IL1R1: variants seen among roughly 807,000 people sequenced by gnomAD.
The protein encoded by IL1R1 is interleukin-1 receptor type 1.
Under a neutral mutation model 50.2 loss-of-function variants are expected in IL1R1, and 22 were observed. The observed-to-expected ratio is 0.44, with a 90% confidence interval of 0.31 to 0.63. The LOEUF (loss-of-function observed/expected upper bound fraction) is 0.63. Among genes scored for constraint, IL1R1 ranks in the 20% least tolerant of loss-of-function variants. The probability of loss-of-function intolerance (pLI) is 0.07; values close to 1 mark genes in which losing one functional copy is unlikely to be tolerated. For missense variants in IL1R1, 509 were observed against 676.2 expected, an observed-to-expected ratio of 0.75 and a Z score of 2.74; for synonymous variants, 251 against 236.7, an observed-to-expected ratio of 1.06 and a Z score of -0.55.
Position 102,166,238 on chromosome 2 carries a change from C to T in IL1R1, c.612C>T (p.Gly204=), listed in dbSNP as rs746784584. Residue 204 remains glycine (G), a synonymous_variant, in exon 6 of 12, where the codon GGC becomes GGT. Coordinates refer to ENST00000410023, the MANE Select transcript of IL1R1 (RefSeq NM_000877.4). Reference sequence around the variant, plus strand: ...GTCATGCATCCTACACATACTTGGGCAAGCAATATCCTATTACCCGGGTAA... The same window carrying T: ...GTCATGCATCCTACACATACTTGGGTAAGCAATATCCTATTACCCGGGTAA... The part of the protein sequence containing the change: ...YTCHASYTYL[G]KQYPITRVIE... 2 of 1,613,562 alleles carry T rather than the reference C, an allele frequency of 1.2e-6. No individual in the cohort carries two copies. The highest frequency in any genetic ancestry group is 1.7e-6 in the Non-Finnish European group (2 of 1,179,696).
chr2:102,164,973 G>A lies in IL1R1; in HGVS notation c.261G>A (p.Lys87=), dbSNP rs1001921691. The A allele has an allele frequency of 7.4e-6, 12 of 1,613,974 alleles. No homozygotes were observed. Among genetic ancestry groups the A allele is most frequent in the Non-Finnish European group, 9.3e-6 (11 of 1,179,970 alleles). The change falls in exon 4 of 12, where the codon AAG becomes AAA. Residue 87 remains lysine (K), a synonymous_variant. Transcript: ENST00000410023. ...AGAAACTTTGGTTTGTTCCTGCTAA[G>A]GTGGAGGATTCAGGACATTACTATT... ...HKEKLWFVPA[K]VEDSGHYYCV...
chr2:102,172,817 T>G lies in IL1R1; in HGVS notation c.970T>G (p.Tyr324Asp). 1 of 1,604,814 alleles carries G rather than the reference T, an allele frequency of 6.2e-7. No individual in the cohort carries two copies. The highest frequency in any genetic ancestry group is 8.5e-7 in the Non-Finnish European group (1 of 1,175,228). The part of the protein sequence containing the change: ...AKNTHGIDAA[Y>D]IQLIYPVTNF... ...GAATACACATGGTATAGATGCAGCATATATCCAGTTAATATATCCAGGTAA... is the reference window on the plus strand; with the variant it reads ...GAATACACATGGTATAGATGCAGCAGATATCCAGTTAATATATCCAGGTAA... Residue 324 changes from tyrosine (Y) to aspartate (D), a missense_variant, in exon 9 of 12, where the codon TAT (tyrosine) becomes GAT (aspartate). By Grantham distance (160) the Tyr-to-Asp change is radical. Transcript: ENST00000410023.
chr2:102,145,915 G>A (rs1237775482), intron 1 of IL1R1, among the ~76,000 whole-genome samples: 3 of 152,202 alleles, frequency 2.0e-5, no homozygotes, highest in Non-Finnish European at 4.4e-5. Flanking sequence ...TGTAGGCAGT[G>A]GGAAAGAGGA....
intron 1 of IL1R1, among the ~76,000 whole-genome samples, chr2:102,084,127 T>A (rs1679337656): frequency 6.6e-6 from 1 of 152,104 alleles, no homozygotes; most frequent in Non-Finnish European, 1.5e-5. Context: ...AAAACTAAGA[T>A]GTAGCAGTTA....
intron 1 of IL1R1, among the ~76,000 whole-genome samples, chr2:102,092,880 G>A (rs187266999): frequency 3.4e-4 from 52 of 152,130 alleles, no homozygotes; most frequent in African/African-American, 1.3e-3. Flanking sequence ...TGTCTATAGA[G>A]GTTTACTCAG....
At chr2:102,133,820 T>G (rs1682181379) in intron 1 of IL1R1, among the ~76,000 whole-genome samples, 1 of 151,764 alleles carries the variant, frequency 6.6e-6, no homozygotes, top group African/African-American at 2.4e-5. Context: ...ATGAAAGCTA[T>G]CCTCCTAGGA....
chr2:102,167,262 T>A (rs1279328993), intron 6 of IL1R1, among the ~76,000 whole-genome samples: 1 of 152,090 alleles, frequency 6.6e-6, no homozygotes, highest in South Asian at 2.1e-4. Flanking sequence ...CTTGCCATGG[T>A]CCCACAGGCA....
intron 2 of IL1R1, chr2:102,156,017 T>C (rs1341786306): frequency 6.6e-6 from 1 of 152,266 alleles, no homozygotes; most frequent in African/African-American, 2.4e-5. Context: ...AACCGACAGC[T>C]GGCAGTGTTC....
intron 11 of IL1R1, chr2:102,175,942 G>C: frequency 2.0e-6 from 1 of 500,498 alleles, no homozygotes; most frequent in Non-Finnish European, 3.5e-6. Flanking sequence ...TCAAATGATT[G>C]AATAATAAGT....
intron 1 of IL1R1, among the ~76,000 whole-genome samples, chr2:102,115,758 A>G (rs1681036489): frequency 6.6e-6 from 1 of 152,200 alleles, no homozygotes; most frequent in South Asian, 2.1e-4. Flanking sequence ...TATTCTGGGT[A>G]GAGGAAACTG....
At chr2:102,100,058 T>A (rs1413520541), upstream of IL1R1, among the ~76,000 whole-genome samples, 1 of 152,196 alleles carries the variant, frequency 6.6e-6, no homozygotes, top group Non-Finnish European at 1.5e-5. Flanking sequence ...ACCCCTGGCT[T>A]GGCCTCGAGG....
chr2:102,175,531 G>T lies in IL1R1; in HGVS notation c.1189G>T (p.Glu397Ter), dbSNP rs781550406. The T allele has an allele frequency of 6.2e-7, 1 of 1,613,562 alleles. No homozygotes were observed. Among genetic ancestry groups the T allele is most frequent in the Non-Finnish European group, 8.5e-7 (1 of 1,179,514 alleles). The change falls in exon 11 of 12, where the codon GAA becomes TAA. Residue 397 changes from glutamate (E) to a stop codon, truncating the protein, a stop_gained. Coordinates refer to ENST00000410023, the MANE Select transcript of IL1R1 (RefSeq NM_000877.4). LOFTEE classifies it high-confidence loss of function. ...TATACTGTATCCAAAGACTGTTGGG[G>T]AAGGGTCTACCTCTGACTGTGATAT... Reference protein sequence around the residue: ...AYILYPKTVGEGSTSDCDIFV... With the variant: ...AYILYPKTVG
At chr2:102,125,068 G>C (rs550936216) in intron 1 of IL1R1, among the ~76,000 whole-genome samples, 4 of 152,320 alleles carry the variant, frequency 2.6e-5, no homozygotes, top group African/African-American at 9.6e-5. Flanking sequence ...TGGGGACACA[G>C]AGCCAAACCA....
intron 1 of IL1R1, among the ~76,000 whole-genome samples, chr2:102,136,647 A>T (rs1346688122): frequency 2.0e-5 from 3 of 152,112 alleles, no homozygotes; most frequent in Non-Finnish European, 4.4e-5. Flanking sequence ...AAGTGCTGGG[A>T]TTACAGGTGT....
At chr2:102,088,636 C>G (rs1206121387) in intron 1 of IL1R1, among the ~76,000 whole-genome samples, 1 of 152,200 alleles carries the variant, frequency 6.6e-6, no homozygotes, top group Non-Finnish European at 1.5e-5. Flanking sequence ...GTCAGCTTGT[C>G]CCTTGAAGCT....
upstream of IL1R1, among the ~76,000 whole-genome samples, chr2:102,101,143 G>A (rs562130651): frequency 2.0e-5 from 3 of 152,332 alleles, no homozygotes; most frequent in African/African-American, 7.2e-5. Flanking sequence ...GAATTCAGTG[G>A]TTCTGGGGTG....
At chr2:102,074,611 G>A (rs1678882886) in intron 1 of IL1R1, among the ~76,000 whole-genome samples, 1 of 152,204 alleles carries the variant, frequency 6.6e-6, no homozygotes, top group Non-Finnish European at 1.5e-5. Flanking sequence ...AAGCTGGGAG[G>A]AAAACAAACT....
chr2:102,176,261 T>A, intron 11 of IL1R1, 92 bp from the exon 12 acceptor site: 1 of 1,053,042 alleles, frequency 9.5e-7, no homozygotes, highest in African/African-American at 1.6e-5. Context: ...TTAGGAGCCA[T>A]ACGGTTGTGA....
chr2:102,101,294 T>A (rs1428668244), upstream of IL1R1, among the ~76,000 whole-genome samples: 6 of 152,320 alleles, frequency 3.9e-5, no homozygotes, highest in South Asian at 1.2e-3. Flanking sequence ...TGAGATGAAG[T>A]GATTTTCCCA....
Sources: allele counts gnomAD v4.1 joint callset (sites outside exome capture counted in the v4.1 genomes callset), GRCh38; gene constraint gnomAD v4.1.1; transcripts MANE v1.5; gene names NCBI Gene and HGNC (gene_info 2026-07-23, HGNC 2026-07-21).